Variants in CSMD3 observed in about 807,000 individuals in gnomAD.
CSMD3 encodes CUB and sushi domain-containing protein 3.
Under a neutral mutation model 435.2 loss-of-function variants are expected in CSMD3, and 177 were observed. The ratio of observed to expected loss-of-function variants is 0.41; its 90% CI spans 0.36 to 0.46. CSMD3 has a LOEUF of 0.46. Ranked by LOEUF, CSMD3 falls within the 20% of genes least tolerant of loss-of-function variation. CSMD3 has a pLI of 0.34. For missense variants in CSMD3, 4,265 were observed against 4,504.6 expected, an observed-to-expected ratio of 0.95 and a Z score of 1.52; for synonymous variants, 1,656 against 1,520.5, an observed-to-expected ratio of 1.09 and a Z score of -2.07.
chr8:112,317,563 G>T (rs1822590744), intron 47 of CSMD3, among the ~76,000 whole-genome samples: 1 of 151,984 alleles, frequency 6.6e-6, no homozygotes, highest in African/African-American at 2.4e-5. Context: ...CTAGAGAGTA[G>T]CCTTACATGA....
At chr8:112,890,546 C>T (rs1318462656) in intron 10 of CSMD3, among the ~76,000 whole-genome samples, 2 of 151,582 alleles carry the variant, frequency 1.3e-5, no homozygotes, top group Non-Finnish European at 3.0e-5. Flanking sequence ...AGGAGGCTCC[C>T]GAATTCAAGA....
At chr8:112,763,933 A>G (rs2077910574) in intron 13 of CSMD3, among the ~76,000 whole-genome samples, 1 of 151,140 alleles carries the variant, frequency 6.6e-6, no homozygotes. Flanking sequence ...AAAAAATTCC[A>G]ATTAAGCCTT....
chr8:113,289,124 G>GA (rs71281206), intron 2 of CSMD3, among the ~76,000 whole-genome samples: 138,043 of 151,554 alleles, frequency 0.91, 62,946 homozygotes, highest in East Asian at 1. Context: ...AAATGTAGAT[G>GA]AAATGGTACC....
chr8:112,319,255 TACA>T (rs1255320143), intron 46 of CSMD3, among the ~76,000 whole-genome samples: 6 of 152,052 alleles, frequency 3.9e-5, no homozygotes, highest in African/African-American at 9.7e-5. Flanking sequence ...TCAATAAAAA[TACA>T]ACAAGTAGTT....
chr8:112,820,562 C>T lies in CSMD3; in HGVS notation c.1859+9124G>A, dbSNP rs573401215. Reference sequence around the variant, plus strand: ...GATTAAAAAAAAACTTCCTAGATTGCTCACACTCTCACTAAAGGGCAAATT... The same window carrying T: ...GATTAAAAAAAAACTTCCTAGATTGTTCACACTCTCACTAAAGGGCAAATT... On this transcript the variant is annotated intron_variant, in intron 12 of 70. Transcript: ENST00000297405. 6.7e-4 allele frequency among the ~76,000 whole-genome samples: 101 copies of T among 151,646 alleles called. 1 individual carries two copies. In the South Asian group the frequency reaches 0.02, roughly 30 times the overall value.
chr8:112,665,844 T>C (rs2131704239), intron 17 of CSMD3, among the ~76,000 whole-genome samples: 1 of 152,240 alleles, frequency 6.6e-6, no homozygotes, highest in East Asian at 1.9e-4. Flanking sequence ...TGACAGTCAT[T>C]TTCACAAGGA....
intron 32 of CSMD3, among the ~76,000 whole-genome samples, chr8:112,432,562 C>T (rs757762201): frequency 6.6e-5 from 10 of 152,034 alleles, no homozygotes; most frequent in Non-Finnish European, 8.8e-5. Flanking sequence ...TTCCTCCTGC[C>T]TTGTCCACCC....
At chr8:113,342,485 T>C (rs1203743341) in intron 1 of CSMD3, among the ~76,000 whole-genome samples, 1 of 152,174 alleles carries the variant, frequency 6.6e-6, no homozygotes, top group Non-Finnish European at 1.5e-5. Flanking sequence ...AATGACTAAA[T>C]TGATTAAATT....
chr8:113,114,256 G>T (rs999188927), intron 4 of CSMD3, among the ~76,000 whole-genome samples: 1 of 152,118 alleles, frequency 6.6e-6, no homozygotes, highest in Admixed American at 6.6e-5. Flanking sequence ...GCTGAACTTA[G>T]GAAAAGGGTT....
intron 1 of CSMD3, among the ~76,000 whole-genome samples, chr8:113,326,638 A>G (rs1156330200): frequency 6.6e-6 from 1 of 152,158 alleles, no homozygotes; most frequent in East Asian, 1.9e-4. Flanking sequence ...TTATTAGTGT[A>G]TGTCTCCTCA....
At chr8:112,731,858 GA>G (rs2077081994) in intron 13 of CSMD3, among the ~76,000 whole-genome samples, 1 of 152,066 alleles carries the variant, frequency 6.6e-6, no homozygotes. Context: ...ATTATTGAAA[GA>G]AAACTGTCAA....
At chr8:113,340,672 T>G (rs1048646159) in intron 1 of CSMD3, among the ~76,000 whole-genome samples, 6 of 151,952 alleles carry the variant, frequency 3.9e-5, no homozygotes, top group Non-Finnish European at 8.8e-5. Flanking sequence ...GCCAGGAGTT[T>G]GAGACCAGTC....
chr8:112,563,380 C>T (rs1586690636), intron 24 of CSMD3, among the ~76,000 whole-genome samples: 1 of 150,628 alleles, frequency 6.6e-6, no homozygotes, highest in African/African-American at 2.4e-5. Context: ...TTTCCAATTG[C>T]TTTCAGGAGT....
Position 113,240,388 on chromosome 8 carries a change from A to G in CSMD3, c.514+38204T>C, listed in dbSNP as rs556998514. Among the ~76,000 whole-genome samples the G allele has an allele frequency of 1.8e-4, 27 of 152,226 alleles. No homozygotes were observed. The East Asian group carries it at 5.2e-3, about 29-fold the overall frequency. ...GTATATACCCAGTGATGAGATTGCCAGGTCAAATAGCATTTCTGTCTCTAG... is the reference window on the plus strand; with the variant it reads ...GTATATACCCAGTGATGAGATTGCCGGGTCAAATAGCATTTCTGTCTCTAG... On this transcript the variant is annotated intron_variant, in intron 3 of 70. Transcript: ENST00000297405.
intron 36 of CSMD3, among the ~76,000 whole-genome samples, chr8:112,387,853 A>G (rs1362403423): frequency 6.6e-6 from 1 of 152,128 alleles, no homozygotes; most frequent in East Asian, 1.9e-4. Flanking sequence ...CACTTGTGCA[A>G]GTATTCATTG....
At chr8:113,175,428 T>C (rs1213161692) in intron 3 of CSMD3, among the ~76,000 whole-genome samples, 2 of 151,896 alleles carry the variant, frequency 1.3e-5, no homozygotes, top group Middle Eastern at 3.4e-3. Context: ...ATGGTTTCAA[T>C]AGACAATTTT....
At chr8:112,651,541 A>ATTTT (rs1254096334) in intron 18 of CSMD3, among the ~76,000 whole-genome samples, 8 of 137,282 alleles carry the variant, frequency 5.8e-5, no homozygotes, top group African/African-American at 1.6e-4. Context: ...CACCCAGTGC[A>ATTTT]TTTTTTTTTT....
chr8:112,632,234 T>C (rs1185585912), intron 22 of CSMD3, among the ~76,000 whole-genome samples: 1 of 152,054 alleles, frequency 6.6e-6, no homozygotes, highest in Non-Finnish European at 1.5e-5. Context: ...GTTTGCTCTC[T>C]TCATTTTTAA....
At chr8:112,354,863 A>G in intron 38 of CSMD3, among the ~76,000 whole-genome samples, 1 of 152,216 alleles carries the variant, frequency 6.6e-6, no homozygotes, top group East Asian at 1.9e-4. Context: ...TAAAATTCAT[A>G]TGGAACTGAA....
Sources: gnomAD v4.1 joint callset for allele counts (sites outside exome capture counted in the v4.1 genomes callset) on GRCh38, gnomAD v4.1.1 for gene constraint, MANE v1.5 for transcripts, NCBI Gene and HGNC (gene_info 2026-07-23, HGNC 2026-07-21) for gene names.